Variants in GRID1 observed in about 807,000 individuals in gnomAD.
GRID1 encodes glutamate receptor ionotropic, delta-1.
In GRID1, 28 loss-of-function variants were observed where a neutral mutation model predicts 98.0. That is an observed-to-expected ratio of 0.29 (90% CI 0.21 to 0.39). GRID1 has a LOEUF of 0.39. Ranked by LOEUF, GRID1 falls within the 10% of genes least tolerant of loss-of-function variation. GRID1 has a pLI of 1.00. For synonymous variants in GRID1, 553 were observed against 538.5 expected, an observed-to-expected ratio of 1.03 and a Z score of -0.37; for missense variants, 1,111 against 1,340.5, an observed-to-expected ratio of 0.83 and a Z score of 2.67.
At chr10:86,058,467 A>G (rs1843604946) in intron 4 of GRID1, among the ~76,000 whole-genome samples, 1 of 152,232 alleles carries the variant, frequency 6.6e-6, no homozygotes, top group South Asian at 2.1e-4. Context: ...AGTCCCAGAA[A>G]TACCAAAACT....
intron 2 of GRID1, among the ~76,000 whole-genome samples, chr10:86,274,501 C>T (rs1412466742): frequency 6.6e-6 from 1 of 152,174 alleles, no homozygotes; most frequent in Non-Finnish European, 1.5e-5. Context: ...TTACCTTGGG[C>T]AGTATGGCCA....
chr10:85,870,423 AC>A (rs1247193909), intron 5 of GRID1, among the ~76,000 whole-genome samples: 1 of 152,234 alleles, frequency 6.6e-6, no homozygotes, highest in African/African-American at 2.4e-5. Flanking sequence ...CAGTTTGCAG[AC>A]AGCCTATTGT....
intron 2 of GRID1, among the ~76,000 whole-genome samples, chr10:86,272,433 T>G (rs964914631): frequency 6.6e-6 from 1 of 152,222 alleles, no homozygotes; most frequent in African/African-American, 2.4e-5. Context: ...CATGATGTTA[T>G]GTTGAAGTGG....
chr10:85,706,448 C>T (rs1038372568), intron 12 of GRID1, among the ~76,000 whole-genome samples: 3 of 152,198 alleles, frequency 2.0e-5, no homozygotes, highest in African/African-American at 7.2e-5. Flanking sequence ...AACCACTGCT[C>T]AGTGAATAAA....
chr10:85,736,456 T>C (rs543412417), intron 8 of GRID1, among the ~76,000 whole-genome samples: 5 of 152,276 alleles, frequency 3.3e-5, no homozygotes, highest in Non-Finnish European at 7.4e-5. Context: ...CTCAAGGTAG[T>C]ATTGGAAGGC....
intron 12 of GRID1, among the ~76,000 whole-genome samples, chr10:85,652,907 T>G (rs1015543286): frequency 6.6e-6 from 1 of 152,174 alleles, no homozygotes; most frequent in Non-Finnish European, 1.5e-5. Flanking sequence ...AGGGCAAGAA[T>G]GGCACAAAGT....
At chr10:86,179,608 G>A (rs549364112) in intron 3 of GRID1, among the ~76,000 whole-genome samples, 2 of 152,184 alleles carry the variant, frequency 1.3e-5, no homozygotes, top group East Asian at 3.9e-4. Flanking sequence ...CTGCTCCCTG[G>A]GTCCCCAGTC....
At chr10:86,166,269 A>G (rs1743410998) in intron 3 of GRID1, among the ~76,000 whole-genome samples, 1 of 152,244 alleles carries the variant, frequency 6.6e-6, no homozygotes, top group Non-Finnish European at 1.5e-5. Flanking sequence ...GGGAACATAC[A>G]GAATGGGAGA....
chr10:85,797,914 C>CT (rs1295989288), intron 8 of GRID1, among the ~76,000 whole-genome samples: 1 of 152,156 alleles, frequency 6.6e-6, no homozygotes, highest in Non-Finnish European at 1.5e-5. Flanking sequence ...TGATTTCATT[C>CT]TTTTTTATAG....
At chr10:86,009,710 C>G (rs1446422727) in intron 4 of GRID1, among the ~76,000 whole-genome samples, 2 of 152,158 alleles carry the variant, frequency 1.3e-5, no homozygotes, top group Non-Finnish European at 2.9e-5. Context: ...TCTCACCCTC[C>G]TACAAGAACT....
chr10:86,352,947 T>C (rs1395052345), intron 2 of GRID1, among the ~76,000 whole-genome samples: 1 of 152,292 alleles, frequency 6.6e-6, no homozygotes. Context: ...GTCCACAGCC[T>C]CCTCCTGACC....
chr10:86,024,215 G>A (rs111292491), intron 4 of GRID1, among the ~76,000 whole-genome samples: 1,555 of 152,230 alleles, frequency 0.01, 28 homozygotes, highest in African/African-American at 0.035. Flanking sequence ...GTTAGCATCC[G>A]CAAAATAACT....
intron 8 of GRID1, among the ~76,000 whole-genome samples, chr10:85,822,473 C>G (rs1173722226): frequency 3.9e-5 from 6 of 152,104 alleles, no homozygotes; most frequent in Admixed American, 3.3e-4. Flanking sequence ...AAATGCAAAT[C>G]AAAACCACAA....
chr10:86,138,786 A>G, intron 4 of GRID1, 33 bp downstream of exon 4: 2 of 1,557,556 alleles, frequency 1.3e-6, no homozygotes, highest in Non-Finnish European at 1.8e-6. Flanking sequence ...CCTGGGCACC[A>G]GGCCCCTGAG....
chr10:85,618,463 G>A (rs1842818325), intron 14 of GRID1, among the ~76,000 whole-genome samples: 1 of 152,108 alleles, frequency 6.6e-6, no homozygotes, highest in African/African-American at 2.4e-5. Context: ...CTTTCTTCAT[G>A]CATTTAATCT....
chr10:86,160,678 C>T (rs1403948990), intron 3 of GRID1, among the ~76,000 whole-genome samples: 1 of 152,204 alleles, frequency 6.6e-6, no homozygotes, highest in East Asian at 1.9e-4. Flanking sequence ...GTGCTGAGGG[C>T]CTATGATGTG....
chr10:86,106,917 G>T (rs769611533), intron 4 of GRID1, among the ~76,000 whole-genome samples: 18 of 152,100 alleles, frequency 1.2e-4, no homozygotes, highest in Admixed American at 2.6e-4. Flanking sequence ...TTGACAACAA[G>T]GAGGAGGTGA....
At chr10:85,855,526 G>A (rs919678707) in intron 7 of GRID1, among the ~76,000 whole-genome samples, 3 of 152,158 alleles carry the variant, frequency 2.0e-5, no homozygotes, top group Admixed American at 1.3e-4. Flanking sequence ...AATTCCTAAC[G>A]CTATGGATTT....
intron 8 of GRID1, among the ~76,000 whole-genome samples, chr10:85,795,436 T>A (rs1349526411): frequency 6.6e-6 from 1 of 152,148 alleles, no homozygotes; most frequent in Non-Finnish European, 1.5e-5. Context: ...AAAGCCACAG[T>A]CATCAAAGGC....
Sources: gnomAD v4.1 joint callset for allele counts (sites outside exome capture counted in the v4.1 genomes callset) on GRCh38, gnomAD v4.1.1 for gene constraint, MANE v1.5 for transcripts, NCBI Gene and HGNC (gene_info 2026-07-23, HGNC 2026-07-21) for gene names.